The following RAPGEF1 variants were observed in gnomAD, a reference collection of about 807,000 sequenced individuals.
The protein encoded by RAPGEF1 is CRK SH3-binding GNRP.
In RAPGEF1, 33 loss-of-function variants were observed where a neutral mutation model predicts 143.3. That is an observed-to-expected ratio of 0.23 (90% confidence interval 0.17 to 0.31). The LOEUF (loss-of-function observed/expected upper bound fraction) is 0.31, where lower values mean the gene tolerates loss of function less well. Ranked by LOEUF, RAPGEF1 falls within the 10% of genes least tolerant of loss-of-function variation. RAPGEF1 has a pLI of 1.00. For synonymous variants in RAPGEF1, 629 were observed against 676.5 expected (o/e 0.93, Z 1.09); for missense variants, 1,199 against 1,645.4 (o/e 0.73, Z 4.69).
rs138192024 is a variant in RAPGEF1 at position 131,590,113 on chromosome 9, C to T, written c.2775-135G>A. ...CATGTAAAGCACTGGCATCCAGAAA[C>T]GAGGGCACGGGACTAGCGCAGTGGA... On this transcript the variant is annotated intron_variant, in intron 18 of 26. Transcript: ENST00000683357. 6.3e-4 allele frequency: 485 copies of T among 763,888 alleles called. 2 individuals are homozygous for T. The highest frequency in any genetic ancestry group is 6.3e-3 in the African/African-American group (372 of 58,692). 47.3% of individuals were successfully genotyped at this position (763,888 alleles called of 1,614,324 possible). A position where few individuals can be genotyped will look rare whatever the true frequency, so the allele number is the denominator to read the frequency against.
intron 5 of RAPGEF1, 29 bp downstream of exon 5, chr9:131,638,606 C>A (rs1168696603): frequency 1.9e-6 from 3 of 1,612,104 alleles, no homozygotes; most frequent in Non-Finnish European, 2.5e-6. Flanking sequence ...AAGTCCCTGA[C>A]TGGGACTGTC....
chr9:131,709,366 A>G (rs1835342438), intron 1 of RAPGEF1, among the ~76,000 whole-genome samples: 1 of 152,196 alleles, frequency 6.6e-6, no homozygotes, highest in Non-Finnish European at 1.5e-5. Flanking sequence ...AAAATTTTCA[A>G]CAGACACATA....
At chr9:131,696,211 G>A (rs965344570) in intron 1 of RAPGEF1, among the ~76,000 whole-genome samples, 1 of 152,206 alleles carries the variant, frequency 6.6e-6, no homozygotes, top group Non-Finnish European at 1.5e-5. Flanking sequence ...CATAGGACCA[G>A]CCCTGATCCA....
At chr9:131,660,105 A>G (rs1312775727) in intron 1 of RAPGEF1, among the ~76,000 whole-genome samples, 2 of 152,216 alleles carry the variant, frequency 1.3e-5, no homozygotes, top group Non-Finnish European at 2.9e-5. Flanking sequence ...GGCATGAGGC[A>G]CTGCACCCGG....
intron 1 of RAPGEF1, among the ~76,000 whole-genome samples, chr9:131,672,194 A>C (rs1831515246): frequency 1.3e-5 from 2 of 152,228 alleles, no homozygotes. Flanking sequence ...AGAGAGGGAG[A>C]AGTAGCTAAG....
At chr9:131,682,200 T>C (rs1247880653) in intron 1 of RAPGEF1, among the ~76,000 whole-genome samples, 2 of 152,064 alleles carry the variant, frequency 1.3e-5, no homozygotes, top group African/African-American at 4.8e-5. Context: ...GGCTGCCAGA[T>C]AGGGGAAAAA....
intron 1 of RAPGEF1, among the ~76,000 whole-genome samples, chr9:131,663,579 G>C (rs1377314856): frequency 1.3e-5 from 2 of 151,590 alleles, no homozygotes; most frequent in African/African-American, 4.9e-5. Flanking sequence ...TTTGGACGTT[G>C]ACATATTTTG....
intron 1 of RAPGEF1, among the ~76,000 whole-genome samples, chr9:131,690,095 T>C (rs1292957000): frequency 6.6e-6 from 1 of 152,186 alleles, no homozygotes; most frequent in African/African-American, 2.4e-5. Context: ...AAAGTGCTGA[T>C]ATAAAACAGT....
rs1393850464 is a variant in RAPGEF1, at chr9:131,627,856, A to T, written c.1201+57T>A. On this transcript the variant is annotated intron_variant, in intron 9 of 26. Transcript: ENST00000683357. ...ACCTGGGACTCCCACCCAGGACTGT[A>T]ATGGCCCCAGAGAAGCCACCGAGAC... 2.6e-6 allele frequency: 4 copies of T among 1,524,944 alleles called. No homozygotes were observed. The East Asian group carries it at 9.7e-5, about 37-fold the overall frequency. The allele number at this position is 1,524,944 out of a possible 1,614,324, so 94.5% of individuals were successfully genotyped here.
At chr9:131,619,929 G>A (rs1386136738) in intron 11 of RAPGEF1, among the ~76,000 whole-genome samples, 1 of 152,182 alleles carries the variant, frequency 6.6e-6, no homozygotes, top group Non-Finnish European at 1.5e-5. Context: ...GTGGCTCCCA[G>A]GTCTTCTGTT....
At chr9:131,691,252 A>G (rs1269440065) in intron 1 of RAPGEF1, among the ~76,000 whole-genome samples, 1 of 152,176 alleles carries the variant, frequency 6.6e-6, no homozygotes, top group Non-Finnish European at 1.5e-5. Context: ...TTTTTGACAA[A>G]CTTCTCAAAA....
chr9:131,674,399 C>T (rs2130834643), intron 1 of RAPGEF1, among the ~76,000 whole-genome samples: 1 of 152,294 alleles, frequency 6.6e-6, no homozygotes, highest in Non-Finnish European at 1.5e-5. Flanking sequence ...CTTTAAAATT[C>T]TGCCCTCTTA....
At chr9:131,721,642 AGT>A (rs1370178402) in intron 1 of RAPGEF1, among the ~76,000 whole-genome samples, 2 of 152,152 alleles carry the variant, frequency 1.3e-5, no homozygotes, top group Non-Finnish European at 2.9e-5. Context: ...CCTGATTCTA[AGT>A]CACAGACATT....
chr9:131,577,050 T>C lies in RAPGEF1; in HGVS notation c.*2447A>G, dbSNP rs939004733. On this transcript the variant is annotated 3_prime_UTR_variant, in exon 27 of 27. Transcript: ENST00000683357. Reference sequence around the variant, plus strand: ...ACGAGTCCTCCGCCTGGCTCACGTCTGTCTGTGAAGACTGATTCCCACAAC... The same window carrying C: ...ACGAGTCCTCCGCCTGGCTCACGTCCGTCTGTGAAGACTGATTCCCACAAC... 1.1e-4 allele frequency: 17 copies of C among 151,176 alleles called. No homozygotes were observed. The highest frequency in any genetic ancestry group is 4.1e-4 in the African/African-American group (17 of 41,220). 9.4% of individuals were successfully genotyped at this position (151,176 alleles called of 1,614,324 possible).
chr9:131,587,885 G>A (rs776310031), intron 21 of RAPGEF1, 55 bp from the exon 22 acceptor site: 15 of 1,599,720 alleles, frequency 9.4e-6, no homozygotes, highest in Non-Finnish European at 8.5e-6. Flanking sequence ...CCCTGATGGG[G>A]GTTTCTCTCA....
intron 11 of RAPGEF1, 42 bp from the exon 12 acceptor site, chr9:131,619,248 G>A (rs1439171567): frequency 3.9e-5 from 50 of 1,285,932 alleles, no homozygotes; most frequent in Non-Finnish European, 5.0e-5. Context: ...GGGAAGGAGG[G>A]AGAGAAGCAG....
intron 3 of RAPGEF1, among the ~76,000 whole-genome samples, chr9:131,644,365 A>G (rs1302114745): frequency 6.6e-6 from 1 of 151,020 alleles, no homozygotes; most frequent in Non-Finnish European, 1.5e-5. Flanking sequence ...GAGTCTCTGA[A>G]CCTGTTCTGG....
At chr9:131,720,536 G>A (rs574867277) in intron 1 of RAPGEF1, among the ~76,000 whole-genome samples, 1 of 152,282 alleles carries the variant, frequency 6.6e-6, no homozygotes, top group East Asian at 1.9e-4. Context: ...AGGTGCTGAC[G>A]TTTGAGAGCC....
At chr9:131,699,964 C>A (rs55643208) in intron 1 of RAPGEF1, among the ~76,000 whole-genome samples, 33,461 of 152,152 alleles carry the variant, frequency 0.22, 4,170 homozygotes, top group Non-Finnish European at 0.28. Flanking sequence ...GGCCTAATGG[C>A]CACCTCCTTG....
Sources: gnomAD v4.1 joint callset for allele counts (sites outside exome capture counted in the v4.1 genomes callset) on GRCh38, gnomAD v4.1.1 for gene constraint, MANE v1.5 for transcripts, NCBI Gene and HGNC (gene_info 2026-07-23, HGNC 2026-07-21) for gene names.